REXO1: variants seen among roughly 807,000 people sequenced by gnomAD.
REXO1 encodes the protein RNA exonuclease 1 homolog.
A neutral mutation model predicts 102.6 loss-of-function variants in REXO1; 42 were observed. The ratio of observed to expected loss-of-function variants is 0.41; its 90% CI spans 0.32 to 0.53. REXO1 has a LOEUF of 0.53. Among genes scored for constraint, REXO1 ranks in the 20% least tolerant of loss-of-function variants. The pLI, the probability that REXO1 is intolerant of heterozygous loss-of-function variation, is 0.27. For synonymous variants in REXO1, 908 were observed against 779.1 expected (o/e 1.17, Z -2.76); for missense variants, 1,819 against 1,732.5 (o/e 1.05, Z -0.89).
chr19:1,827,407 G>A lies in REXO1; in HGVS notation c.1382C>T (p.Thr461Ile), dbSNP rs765852230. ...PDRPARRPSP[T>I]SGDSRPAAGR... ...GGCCGCCGGTCGGGAGTCCCCGCTT[G>A]TGGGGCTCGGCCGCCGCGCTGGCCG... is the stretch of plus-strand genomic sequence containing the variant. Residue 461 changes from threonine (T) to isoleucine (I), a missense_variant, in exon 2 of 16, where the codon ACA (threonine) becomes ATA (isoleucine). Thr to Ile is a moderately conservative substitution (Grantham distance 89). Transcript: ENST00000170168. The A allele has an allele frequency of 1.5e-5, 23 of 1,544,344 alleles. No individual in the cohort carries two copies. In the South Asian group the frequency reaches 1.9e-4, roughly 13 times the overall value.
At position 1,820,031 on chromosome 19, in the gene REXO1, A is replaced by G. The variant is rs2069484839; in HGVS notation, c.2553T>C (p.Tyr851=). ...EKALNEEKVA[Y]DRSPSKNIYL... is the part of the protein sequence containing the mutation. ...AGATGTTCTTGCTGGGGCTGCGGTC[A>G]TAGGCCACCTTCTCCTCGTTCAGTG... Residue 851 remains tyrosine (Y), a synonymous_variant, in exon 7 of 16, where the codon TAT becomes TAC. Coordinates refer to ENST00000170168, the MANE Select transcript of REXO1 (RefSeq NM_020695.4). 6.2e-7 allele frequency: 1 copy of G among 1,603,896 alleles called. No homozygotes were observed. Among genetic ancestry groups the G allele is most frequent in the Non-Finnish European group, 8.5e-7 (1 of 1,177,372 alleles).
At chr19:1,821,462 C>T (rs1013934792) in intron 5 of REXO1, 57 bp downstream of exon 5, 12 of 1,605,138 alleles carry the variant, frequency 7.5e-6, no homozygotes, top group African/African-American at 2.7e-5. Context: ...CCCATGTGGC[C>T]GGGCCTCAGG....
chr19:1,825,758 G>A, intron 3 of REXO1, 81 bp downstream of exon 3: 3 of 980,364 alleles, frequency 3.1e-6, no homozygotes, highest in Admixed American at 2.2e-5. Context: ...TTACAGGCGT[G>A]AGCCACCAAA....
intron 3 of REXO1, among the ~76,000 whole-genome samples, chr19:1,825,353 G>A (rs984017074): frequency 5.3e-5 from 8 of 151,058 alleles, no homozygotes; most frequent in Admixed American, 4.6e-4. Flanking sequence ...AGAAAACAGA[G>A]GGATGAAGCT....
In REXO1 at chr19:1,817,250, T is replaced by G; in HGVS notation, c.3170A>C (p.His1057Pro). The G allele has an allele frequency of 1.9e-6, 3 of 1,612,810 alleles. No individual in the cohort carries two copies. The highest frequency in any genetic ancestry group is 2.5e-6 in the Non-Finnish European group (3 of 1,179,920). The change falls in exon 12 of 16, where the codon CAC becomes CCC. Residue 1057 changes from histidine to proline, a missense_variant. By Grantham distance (77) the His-to-Pro change is moderately conservative. Coordinates refer to ENST00000170168, the MANE Select transcript of REXO1 (RefSeq NM_020695.4). ...GCAGTCCAGGGCGTAGATCCCCGGG[T>G]GGGTGTCTCCTGAGAGCTCTTTCTC... is the stretch of plus-strand genomic sequence containing the variant. Reference protein sequence around the residue: ...TFEKELSGDTHPGIYALDCEM... With the variant: ...TFEKELSGDTPPGIYALDCEM...
chr19:1,844,183 C>G (rs1331974081), intron 1 of REXO1, among the ~76,000 whole-genome samples: 1 of 152,244 alleles, frequency 6.6e-6, no homozygotes, highest in Non-Finnish European at 1.5e-5. Context: ...AGGCAGGGCC[C>G]CGGCCCACCC....
Position 1,820,038 on chromosome 19 carries a change from A to T in REXO1, c.2546T>A (p.Val849Glu), listed in dbSNP as rs779403336. The T allele has an allele frequency of 4.4e-6, 7 of 1,603,840 alleles. No individual in the cohort carries two copies. Among genetic ancestry groups the T allele is most frequent in the Non-Finnish European group, 5.9e-6 (7 of 1,177,358 alleles). The change falls in exon 7 of 16, where the codon GTG (valine) becomes GAG (glutamate). Residue 849 changes from valine (V) to glutamate (E), a missense_variant. Coordinates refer to ENST00000170168, the MANE Select transcript of REXO1 (RefSeq NM_020695.4). ...CTTGCTGGGGCTGCGGTCATAGGCCACCTTCTCCTCGTTCAGTGCCTGGGG... is the reference window on the plus strand; with the variant it reads ...CTTGCTGGGGCTGCGGTCATAGGCCTCCTTCTCCTCGTTCAGTGCCTGGGG... Reference protein sequence around the residue: ...AIEKALNEEKVAYDRSPSKNI... With the variant: ...AIEKALNEEKEAYDRSPSKNI...
intron 10 of REXO1, 139 bp from the exon 11 acceptor site, chr19:1,817,919 G>A (rs2145232901): frequency 3.0e-6 from 2 of 671,920 alleles, no homozygotes; most frequent in Non-Finnish European, 5.1e-6. Context: ...TGGTGGAGCT[G>A]GAAGCAGACC....
Position 1,838,525 on chromosome 19 carries a change from C to T in REXO1, c.157+9677G>A, listed in dbSNP as rs761494039. Among the ~76,000 whole-genome samples, 21 of 151,988 alleles carry T rather than the reference C, an allele frequency of 1.4e-4. 2 individuals are homozygous for T. Among genetic ancestry groups the T allele is most frequent in the African/African-American group, 3.9e-4 (16 of 41,424 alleles). On this transcript the variant is annotated intron_variant, in intron 1 of 15. Transcript: ENST00000170168. The stretch of plus-strand genomic sequence containing the variant: ...AATCCCAGGTAATCCCATGCCTGGG[C>T]GCAGTAGCTCACGCCTGTAATCCCA...
At chr19:1,837,980 G>T (rs890376300) in intron 1 of REXO1, among the ~76,000 whole-genome samples, 1 of 152,216 alleles carries the variant, frequency 6.6e-6, no homozygotes, top group Non-Finnish European at 1.5e-5. Flanking sequence ...GGACAGGGAC[G>T]GTAACCAGGA....
chr19:1,818,353 G>A (rs940386420), intron 10 of REXO1, 129 bp downstream of exon 10: 24 of 680,044 alleles, frequency 3.5e-5, no homozygotes, highest in Non-Finnish European at 5.6e-5. Flanking sequence ...CAAAGACGGT[G>A]CAGCCCAGGG....
chr19:1,833,719 G>A (rs1239806073), intron 1 of REXO1, among the ~76,000 whole-genome samples: 1 of 152,204 alleles, frequency 6.6e-6, no homozygotes, highest in African/African-American at 2.4e-5. Context: ...TGCAGAGCAC[G>A]CCACCCTGCC....
intron 1 of REXO1, among the ~76,000 whole-genome samples, chr19:1,841,944 C>T (rs1020057449): frequency 1.3e-5 from 2 of 152,206 alleles, no homozygotes; most frequent in Admixed American, 1.3e-4. Flanking sequence ...AGCACAGTGG[C>T]TCACGCTTGT....
At chr19:1,843,100 G>GCTC (rs897965995) in intron 1 of REXO1, among the ~76,000 whole-genome samples, 1 of 152,122 alleles carries the variant, frequency 6.6e-6, no homozygotes, top group Non-Finnish European at 1.5e-5. Context: ...GTGGGGGAGG[G>GCTC]CTCCTCCTCC....
In REXO1 at chr19:1,827,334, G is replaced by A; in HGVS notation, c.1455C>T (p.Thr485=). 2 of 1,555,732 alleles carry A rather than the reference G, an allele frequency of 1.3e-6. No homozygotes were observed. Residue 485 remains threonine (T), a synonymous_variant, in exon 2 of 16, where the codon ACC becomes ACT. Coordinates refer to ENST00000170168, the MANE Select transcript of REXO1 (RefSeq NM_020695.4). ...CCACTAGCTTCCCCGACGGGGCCTT[G>A]GTGCTCTTCCTGTCGGGCAGCTGGA... The part of the protein sequence containing the change: ...RPLQLPDRKS[T]KAPSGKLVER...
chr19:1,826,236 T>TGGGCCGAACCAGCTGCTGC lies in REXO1; in HGVS notation c.1912-312_1912-294dup, dbSNP rs2069715813. ...GCACACTGGGAAAGCGAGGCCACCT[T>TGGGCCGAACCAGCTGCTGC]GGGCCGAACCAGCTGCTGCGGGCTG... is the stretch of plus-strand genomic sequence containing the variant. On this transcript the variant is annotated intron_variant, in intron 2 of 15. Coordinates refer to ENST00000170168, the MANE Select transcript of REXO1 (RefSeq NM_020695.4). This position sits in a 1 kb window ranked among gnomAD's most constrained non-coding sequence, Gnocchi z 4.3. 6.6e-6 allele frequency among the ~76,000 whole-genome samples: 1 copy of TGGGCCGAACCAGCTGCTGC among 152,014 alleles called. No homozygotes were observed. Among genetic ancestry groups the TGGGCCGAACCAGCTGCTGC allele is most frequent in the Admixed American group, 6.5e-5 (1 of 15,274 alleles).
chr19:1,833,718 C>CGCCACCCT (rs1568709455), intron 1 of REXO1, among the ~76,000 whole-genome samples: 1 of 152,228 alleles, frequency 6.6e-6, no homozygotes, highest in Non-Finnish European at 1.5e-5. Flanking sequence ...CTGCAGAGCA[C>CGCCACCCT]GCCACCCTGC....
intron 8 of REXO1, 52 bp downstream of exon 8, chr19:1,818,966 G>T: frequency 6.4e-7 from 1 of 1,571,726 alleles, no homozygotes; most frequent in Non-Finnish European, 8.7e-7. Context: ...CAGGGGCTGG[G>T]CCGGCAGAGG....
Position 1,823,620 on chromosome 19 carries a change from C to T in REXO1, c.2182G>A (p.Gly728Ser). Residue 728 changes from glycine (G) to serine (S), a missense_variant, in exon 4 of 16, where the codon GGC becomes AGC. Coordinates refer to ENST00000170168, the MANE Select transcript of REXO1 (RefSeq NM_020695.4). The part of the protein sequence containing the change: ...KSPSVHISAP[G>S]EKRRIAHIPN... Reference sequence around the variant, plus strand: ...ATGTGGGCGATCCTCCTCTTCTCGCCAGGGGCGGAAATGTGGACGGAGGGC... The same window carrying T: ...ATGTGGGCGATCCTCCTCTTCTCGCTAGGGGCGGAAATGTGGACGGAGGGC... The T allele has an allele frequency of 7.6e-7, 1 of 1,322,384 alleles. No homozygotes were observed. The highest frequency in any genetic ancestry group is 9.7e-7 in the Non-Finnish European group (1 of 1,027,534). 81.9% of individuals were successfully genotyped at this position (1,322,384 alleles called of 1,614,324 possible).
Sources: gnomAD v4.1 joint callset for allele counts (sites outside exome capture counted in the v4.1 genomes callset) on GRCh38, gnomAD v4.1.1 for gene constraint, Gnocchi (gnomAD v3.1) non-coding constraint, MANE v1.5 for transcripts, NCBI Gene and HGNC (gene_info 2026-07-23, HGNC 2026-07-21) for gene names.